Variants in GLB1L3 observed in about 807,000 individuals in gnomAD.
GLB1L3 encodes galactosidase beta 1 like 3.
In GLB1L3, 89 loss-of-function variants were observed where a neutral mutation model predicts 89.5. That is an observed-to-expected ratio of 0.99 (90% confidence interval 0.84 to 1.19). GLB1L3 has a LOEUF of 1.19. GLB1L3 is among the 50% of genes most tolerant of loss of function. The probability of loss-of-function intolerance (pLI) is 0.00; values close to 1 mark genes in which losing one functional copy is unlikely to be tolerated. For missense variants in GLB1L3, 812 were observed against 813.3 expected, an observed-to-expected ratio of 1.00 and a Z score of 0.02; for synonymous variants, 314 against 312.3, an observed-to-expected ratio of 1.01 and a Z score of -0.06.
At chr11:134,308,181 TCACC>T (rs1942305461) in intron 10 of GLB1L3, among the ~76,000 whole-genome samples, 2 of 80,568 alleles carry the variant, frequency 2.5e-5, no homozygotes, top group Non-Finnish European at 4.7e-5. Context: ...ACCACCACCA[TCACC>T]ATCATCACCA....
At chr11:134,312,559 T>C in intron 14 of GLB1L3, 70 bp downstream of exon 14, 1 of 1,563,756 alleles carries the variant, frequency 6.4e-7, no homozygotes, top group Non-Finnish European at 8.7e-7. Context: ...GCAGGGTAGT[T>C]GACTGAAGGA....
intron 5 of GLB1L3, among the ~76,000 whole-genome samples, chr11:134,282,896 G>A (rs867775243): frequency 6.6e-6 from 1 of 152,170 alleles, no homozygotes; most frequent in Non-Finnish European, 1.5e-5. Context: ...TGGAGTTTTC[G>A]GGAAGCAGTG....
intron 6 of GLB1L3, among the ~76,000 whole-genome samples, chr11:134,284,324 T>G (rs566928711): frequency 1.3e-5 from 2 of 152,370 alleles, no homozygotes; most frequent in East Asian, 3.9e-4. Context: ...CACGTGTCTA[T>G]GCCTCTCAGG....
At chr11:134,279,531 A>G (rs1232445550) in intron 3 of GLB1L3, among the ~76,000 whole-genome samples, 5 of 151,726 alleles carry the variant, frequency 3.3e-5, no homozygotes, top group Admixed American at 6.6e-5. Context: ...ACACCCGGCT[A>G]ATTTTTGTAT....
At chr11:134,301,881 C>A (rs537486719) in intron 9 of GLB1L3, among the ~76,000 whole-genome samples, 1 of 152,168 alleles carries the variant, frequency 6.6e-6, no homozygotes, top group Non-Finnish European at 1.5e-5. Context: ...TTCAGACATA[C>A]GGAGTTTTTC....
intron 9 of GLB1L3, among the ~76,000 whole-genome samples, chr11:134,296,011 G>T (rs1941617207): frequency 6.6e-6 from 1 of 152,000 alleles, no homozygotes; most frequent in Admixed American, 6.6e-5. Flanking sequence ...ATTTGTTAAG[G>T]TTTGTTTCAT....
rs181476568 is a variant in GLB1L3 at position 134,282,532 on chromosome 11, G to A, written c.527+412G>A. On this transcript the variant is annotated intron_variant, in intron 5 of 19. Transcript: ENST00000431683. ...AAGGCCTGCAAGGGAAGGTTCTGACGACTCGGCTTGTTTTGAAAACTTCTG... is the reference window on the plus strand; with the variant it reads ...AAGGCCTGCAAGGGAAGGTTCTGACAACTCGGCTTGTTTTGAAAACTTCTG... 1.3e-3 allele frequency among the ~76,000 whole-genome samples: 198 copies of A among 152,318 alleles called. 2 individuals carry two copies. Among genetic ancestry groups the A allele is most frequent in the African/African-American group, 4.5e-3 (186 of 41,572 alleles).
chr11:134,308,300 C>CACT lies in GLB1L3; in HGVS notation c.961+1094_961+1095insTAC, dbSNP rs1437373268. ...CACCACCAAATACCACCACCACCAC[C>CACT]ACCACCACCACTACCACCACCATCA... On this transcript the variant is annotated intron_variant, in intron 10 of 19. Coordinates refer to ENST00000431683, the MANE Select transcript of GLB1L3 (RefSeq NM_001080407.3). 3.7e-4 allele frequency among the ~76,000 whole-genome samples: 13 copies of CACT among 35,112 alleles called. 2 individuals are homozygous for CACT. Among genetic ancestry groups the CACT allele is most frequent in the Admixed American group, 2.0e-3 (8 of 3,996 alleles). 23.0% of individuals were successfully genotyped at this position (35,112 alleles called of 152,430 possible).
At chr11:134,290,576 C>A (rs536294145) in intron 7 of GLB1L3, among the ~76,000 whole-genome samples, 2,295 of 107,152 alleles carry the variant, frequency 0.021, 127 homozygotes, top group African/African-American at 0.073. Flanking sequence ...CGTCCCCCCC[C>A]GCCAAAAAAA....
chr11:134,313,619 C>G (rs1036090999), intron 16 of GLB1L3, 145 bp downstream of exon 16: 5 of 729,284 alleles, frequency 6.9e-6, no homozygotes, highest in Non-Finnish European at 1.2e-5. Flanking sequence ...CAAAATCGGC[C>G]CCTCGCCCTT....
chr11:134,285,563 A>G (rs1466578635), intron 6 of GLB1L3, among the ~76,000 whole-genome samples: 1 of 152,076 alleles, frequency 6.6e-6, no homozygotes, highest in Non-Finnish European at 1.5e-5. Flanking sequence ...AAGTGGGAGG[A>G]CTGCTTGAGC....
intron 9 of GLB1L3, among the ~76,000 whole-genome samples, chr11:134,302,189 A>G (rs554948966): frequency 6.6e-6 from 1 of 152,300 alleles, no homozygotes; most frequent in South Asian, 2.1e-4. Flanking sequence ...CTCAGCCCAG[A>G]AACAGCGATT....
At chr11:134,308,982 A>T (rs1276159948) in intron 10 of GLB1L3, among the ~76,000 whole-genome samples, 1 of 152,180 alleles carries the variant, frequency 6.6e-6, no homozygotes, top group Admixed American at 6.5e-5. Context: ...ACAGTACAAA[A>T]TGGAAGTTTT....
chr11:134,281,376 G>A lies in GLB1L3; in HGVS notation c.363-1G>A. On this transcript the variant is annotated splice_acceptor_variant, in intron 3 of 19. Transcript: ENST00000431683. LOFTEE classifies it high-confidence loss of function. ...TCATACTTCCCTCTCACCTCTTCTAGCTATGTTCCGTGGAACCTGCATGAG... is the reference window on the plus strand; with the variant it reads ...TCATACTTCCCTCTCACCTCTTCTAACTATGTTCCGTGGAACCTGCATGAG... 1 of 1,614,186 alleles carries A rather than the reference G, an allele frequency of 6.2e-7. No individual in the cohort carries two copies. Among genetic ancestry groups the A allele is most frequent in the Non-Finnish European group, 8.5e-7 (1 of 1,180,024 alleles).
intron 18 of GLB1L3, chr11:134,316,878 T>TG (rs1322109251): frequency 1.3e-5 from 2 of 152,260 alleles, no homozygotes; most frequent in Non-Finnish European, 2.9e-5. Flanking sequence ...TTCCATGTTT[T>TG]GGGGGACATT....
In GLB1L3 at chr11:134,277,376, TC is replaced by T. The variant is rs769343043; in HGVS notation, c.75del (p.Ser26HisfsTer31). 43 of 1,613,982 alleles carry T rather than the reference TC, an allele frequency of 2.7e-5. No individual in the cohort carries two copies. The African/African-American group carries it at 5.5e-4, about 20-fold the overall frequency. On this transcript the variant is annotated frameshift_variant, in exon 2 of 20. Coordinates refer to ENST00000431683, the MANE Select transcript of GLB1L3 (RefSeq NM_001080407.3). LOFTEE classifies it high-confidence loss of function. ...GCGGGCATCTTTTTCCTGCCATTTA[TC>T]TCATCAGGTTTTGCTCCTCGGTTTA... is the stretch of plus-strand genomic sequence containing the variant. The part of the protein sequence containing the change: ...RMAGIFFLPF[I>X]SSGFAPRFKQ...
intron 18 of GLB1L3, among the ~76,000 whole-genome samples, chr11:134,315,037 C>T (rs1033182726): frequency 6.6e-6 from 1 of 152,170 alleles, no homozygotes; most frequent in African/African-American, 2.4e-5. Context: ...GCCTTGACTT[C>T]TAACACCCTA....
intron 6 of GLB1L3, 113 bp from the exon 7 acceptor site, chr11:134,288,685 C>T (rs1042915100): frequency 5.9e-6 from 4 of 674,626 alleles, no homozygotes; most frequent in African/African-American, 3.6e-5. Flanking sequence ...CCACAGGGGC[C>T]GTGGATCAGA....
Position 134,281,446 on chromosome 11 carries a change from G to A in GLB1L3, c.431+1G>A, listed in dbSNP as rs367950031. The A allele has an allele frequency of 2.5e-5, 41 of 1,611,286 alleles. No individual in the cohort carries two copies. The highest frequency in any genetic ancestry group is 3.4e-5 in the Non-Finnish European group (40 of 1,177,968). ...ACTTCTCTGGGAACCTGGACCTGGA[G>A]TATGTGGTGTTGCTGCTTCTGTGCC... On this transcript the variant is annotated splice_donor_variant, in intron 4 of 19. Coordinates refer to ENST00000431683, the MANE Select transcript of GLB1L3 (RefSeq NM_001080407.3). LOFTEE classifies it high-confidence loss of function.
Sources: allele counts gnomAD v4.1 joint callset (sites outside exome capture counted in the v4.1 genomes callset), GRCh38; gene constraint gnomAD v4.1.1; transcripts MANE v1.5; gene names NCBI Gene and HGNC (gene_info 2026-07-23, HGNC 2026-07-21).